The following OPRM1 variants were observed in gnomAD, a reference collection of about 807,000 sequenced individuals.
OPRM1 encodes mu-type opioid receptor.
Under a neutral mutation model 31.8 loss-of-function variants are expected in OPRM1, and 27 were observed. The observed-to-expected ratio is 0.85, with a 90% CI of 0.63 to 1.17. The LOEUF is 1.17. Among genes scored for constraint, OPRM1 ranks in the 50% most tolerant of loss-of-function variants. The pLI is 0.00. For missense variants in OPRM1, 536 were observed against 511.1 expected (o/e 1.05, Z -0.47); for synonymous variants, 196 against 189.9 (o/e 1.03, Z -0.26).
chr6:154,211,025 C>G (rs972532602), intron 3 of OPRM1, among the ~76,000 whole-genome samples: 22 of 152,136 alleles, frequency 1.4e-4, no homozygotes, highest in African/African-American at 5.1e-4. Context: ...AACAGAAATT[C>G]TGGCAGAAAA....
intron 3 of OPRM1, among the ~76,000 whole-genome samples, chr6:154,184,083 T>G (rs1801130315): frequency 6.6e-6 from 1 of 152,058 alleles, no homozygotes; most frequent in African/African-American, 2.4e-5. Context: ...CTGGTACAGC[T>G]GTTGTTGTTG....
intron 3 of OPRM1, chr6:154,107,994 A>G (rs1795853207): frequency 1.6e-6 from 1 of 609,144 alleles, no homozygotes. Flanking sequence ...TTTTATTGCC[A>G]TTCATTCAAC....
intron 1 of OPRM1, among the ~76,000 whole-genome samples, chr6:154,057,213 A>T (rs1218945604): frequency 1.3e-5 from 2 of 152,228 alleles, no homozygotes; most frequent in African/African-American, 4.8e-5. Context: ...GAAATAGACT[A>T]ATTTTAAAGA....
chr6:154,129,510 A>G lies in OPRM1; in HGVS notation c.*10789A>G, dbSNP rs1476602945. On this transcript the variant is annotated 3_prime_UTR_variant, in exon 4 of 4. Coordinates refer to ENST00000330432, the MANE Select transcript of OPRM1 (RefSeq NM_000914.5). ...TTTCTCTCCTCTCAATGTCAACATC[A>G]TATATGATTGGAGACTTCCACATAA... is the stretch of plus-strand genomic sequence containing the variant. Among the ~76,000 whole-genome samples, 1 of 152,218 alleles carries G rather than the reference A, an allele frequency of 6.6e-6. No individual in the cohort carries two copies. Among genetic ancestry groups the G allele is most frequent in the Admixed American group, 6.5e-5 (1 of 15,286 alleles).
At chr6:154,074,543 TGAG>T (rs1201777821) in intron 1 of OPRM1, 3 of 152,140 alleles carry the variant, frequency 2.0e-5, no homozygotes, top group Non-Finnish European at 2.9e-5. Flanking sequence ...GCAAATCACC[TGAG>T]GTCAGAAGTT....
chr6:154,244,986 C>T (rs549148166), intron 3 of OPRM1, among the ~76,000 whole-genome samples: 40 of 152,084 alleles, frequency 2.6e-4, no homozygotes, highest in Non-Finnish European at 4.9e-4. Context: ...ACAACTACCC[C>T]AAAACAAAGG....
At chr6:154,210,714 T>A (rs1048049451) in intron 3 of OPRM1, among the ~76,000 whole-genome samples, 1 of 152,216 alleles carries the variant, frequency 6.6e-6, no homozygotes, top group African/African-American at 2.4e-5. Context: ...ATGAATATAG[T>A]AAGAAAGAAT....
At chr6:154,246,205 C>T (rs985113869) in intron 3 of OPRM1, among the ~76,000 whole-genome samples, 1 of 152,128 alleles carries the variant, frequency 6.6e-6, no homozygotes, top group Non-Finnish European at 1.5e-5. Flanking sequence ...GTCGTGAAGC[C>T]GAGTCTCCTT....
At position 154,233,390 on chromosome 6, in the gene OPRM1, T is replaced by G. The variant is rs114359374; in HGVS notation, c.1165-13303T>G. Among the ~76,000 whole-genome samples the G allele has an allele frequency of 7.7e-3, 1,173 of 152,342 alleles. 16 individuals are homozygous for G. Among genetic ancestry groups the G allele is most frequent in the African/African-American group, 0.026 (1,062 of 41,564 alleles). On this transcript the variant is annotated intron_variant, in intron 3 of 3. Coordinates refer to the OPRM1 transcript ENST00000337049. ...TAATAATACTAGTAAACTTACCATA[T>G]TCTTCATGTATTATTTGGGGTATTT...
intron 3 of OPRM1, among the ~76,000 whole-genome samples, chr6:154,104,194 C>T (rs984084736): frequency 3.9e-5 from 6 of 152,166 alleles, no homozygotes. Context: ...AGTCAGAAAG[C>T]ATCAGTATGG....
At chr6:154,230,774 G>A (rs1197866690) in intron 3 of OPRM1, among the ~76,000 whole-genome samples, 1 of 151,994 alleles carries the variant, frequency 6.6e-6, no homozygotes, top group African/African-American at 2.4e-5. Flanking sequence ...GAAATCAGAA[G>A]ACACCTTAGA....
intron 3 of OPRM1, among the ~76,000 whole-genome samples, chr6:154,240,215 G>T (rs951090912): frequency 1.3e-5 from 2 of 152,142 alleles, no homozygotes; most frequent in African/African-American, 2.4e-5. Flanking sequence ...TAATAATTAA[G>T]CAATTCCTTC....
intron 3 of OPRM1, among the ~76,000 whole-genome samples, chr6:154,151,584 G>A (rs1483827896): frequency 6.6e-6 from 1 of 152,070 alleles, no homozygotes; most frequent in Non-Finnish European, 1.5e-5. Flanking sequence ...AGCCACTGGG[G>A]AATGAAAGCT....
intron 3 of OPRM1, among the ~76,000 whole-genome samples, chr6:154,102,540 G>C (rs1794991348): frequency 6.6e-6 from 1 of 152,088 alleles, no homozygotes; most frequent in South Asian, 2.1e-4. Context: ...AGATCATAAA[G>C]TGGACTAACC....
At chr6:154,165,776 C>A (rs1411248945) in intron 3 of OPRM1, among the ~76,000 whole-genome samples, 1 of 152,242 alleles carries the variant, frequency 6.6e-6, no homozygotes, top group African/African-American at 2.4e-5. Flanking sequence ...ATTGCTGCCA[C>A]TGGGTTATAA....
chr6:154,096,229 G>C (rs1489931643), intron 3 of OPRM1, among the ~76,000 whole-genome samples: 1 of 151,870 alleles, frequency 6.6e-6, no homozygotes, highest in Non-Finnish European at 1.5e-5. Context: ...GCTAATTTTT[G>C]TATTATTTTT....
At chr6:154,198,466 G>T (rs17085185) in intron 3 of OPRM1, among the ~76,000 whole-genome samples, 15,460 of 152,070 alleles carry the variant, frequency 0.1, 1,251 homozygotes, top group African/African-American at 0.22. Context: ...CTAGATAGTT[G>T]GCCTAAATAA....
chr6:154,197,266 AAC>A (rs1194034414), intron 3 of OPRM1, among the ~76,000 whole-genome samples: 1 of 152,148 alleles, frequency 6.6e-6, no homozygotes, highest in East Asian at 1.9e-4. Flanking sequence ...GCAACACATA[AAC>A]ACACATGTAA....
chr6:154,083,973 A>G lies in OPRM1; in HGVS notation c.291-5853A>G, dbSNP rs1052685914. Reference sequence around the variant, plus strand: ...AAAAAAAAAAAAAAAAAAAAAAGGAAGAAGACTGATATTCATCCCACTCTG... The same window carrying G: ...AAAAAAAAAAAAAAAAAAAAAAGGAGGAAGACTGATATTCATCCCACTCTG... On this transcript the variant is annotated intron_variant, in intron 1 of 3. Transcript: ENST00000330432. 8.0e-5 allele frequency among the ~76,000 whole-genome samples: 12 copies of G among 149,672 alleles called. 1 individual carries two copies. Among genetic ancestry groups the G allele is most frequent in the African/African-American group, 3.0e-4 (12 of 40,558 alleles).
Sources: allele counts gnomAD v4.1 joint callset (sites outside exome capture counted in the v4.1 genomes callset), GRCh38; gene constraint gnomAD v4.1.1; transcripts MANE v1.5; gene names NCBI Gene and HGNC (gene_info 2026-07-23, HGNC 2026-07-21).